The following SERPINB10 variants were observed in gnomAD, a reference collection of about 807,000 sequenced individuals.
SERPINB10 encodes serpin family B member 10, also known as serpin B10.
In SERPINB10, 35 loss-of-function variants were observed where a neutral mutation model predicts 39.1. That is an observed-to-expected ratio of 0.90 (90% confidence interval 0.68 to 1.19). The LOEUF (loss-of-function observed/expected upper bound fraction) is 1.19, where lower values mean the gene tolerates loss of function less well. Ranked by LOEUF, SERPINB10 falls within the 50% of genes most tolerant of loss-of-function variation. SERPINB10 has a pLI of 0.00. For missense variants in SERPINB10, 546 were observed against 460.5 expected, an observed-to-expected ratio of 1.19 and a Z score of -1.70; for synonymous variants, 190 against 158.1, an observed-to-expected ratio of 1.20 and a Z score of -1.52.
rs1328764453 is a variant in SERPINB10, at chr18:63,933,079, T to G, written c.665T>G (p.Met222Arg). 3.1e-6 allele frequency: 5 copies of G among 1,614,056 alleles called. No homozygotes were observed. In the East Asian group the frequency reaches 1.1e-4, roughly 36 times the overall value. The change falls in exon 7 of 8, where the codon ATG becomes AGG. Residue 222 changes from methionine to arginine, a missense_variant. Physicochemically the swap from Met to Arg is moderately conservative, Grantham distance 91. Transcript: ENST00000238508. ...AGCAAACCAGTGCAAATGATGTTTA[T>G]GAAGAAAAAGCTTCACATTTTTCAC... ...TTSKPVQMMFMKKKLHIFHIE... is the reference protein window; with the variant it reads ...TTSKPVQMMFRKKKLHIFHIE...
rs963075 is a variant in SERPINB10, at chr18:63,933,150, C to T, written c.736C>T (p.Arg246Cys). 0.3 allele frequency: 481,950 copies of T among 1,612,928 alleles called. 80,816 individuals carry two copies. Among genetic ancestry groups the T allele is most frequent in the African/African-American group, 0.72 (53,579 of 74,902 alleles). Reference sequence around the variant, plus strand: ...GGGCCTTCAACTCTACTACAAAAGCCGTGACCTCAGCCTGCTTATACTACT... The same window carrying T: ...GGGCCTTCAACTCTACTACAAAAGCTGTGACCTCAGCCTGCTTATACTACT... The part of the protein sequence containing the change: ...AVGLQLYYKS[R>C]DLSLLILLPE... Residue 246 changes from arginine to cysteine, a missense_variant, in exon 7 of 8, where the codon CGT (arginine) becomes TGT (cysteine). Physicochemically the swap from Arg to Cys is radical, Grantham distance 180 (BLOSUM62 -3). Coordinates refer to ENST00000238508, the MANE Select transcript of SERPINB10 (RefSeq NM_005024.3).
In SERPINB10 at chr18:63,919,236, A is replaced by ATTTTTTTTTTT. The variant is rs397969917; in HGVS notation, c.373-548_373-538dup. 3.5e-5 allele frequency among the ~76,000 whole-genome samples: 5 copies of ATTTTTTTTTTT among 142,864 alleles called. 1 individual carries two copies. The highest frequency in any genetic ancestry group is 5.1e-5 in the African/African-American group (2 of 38,896). The allele number at this position is 142,864 out of a possible 152,430, so 93.7% of individuals were successfully genotyped here. ...AGGACCAGGAGGAGGTGAAGGCCTC[A>ATTTTTTTTTTT]TTTTTTTTTTTTTTGCCTCAGAATG... On this transcript the variant is annotated intron_variant, in intron 4 of 7. Transcript: ENST00000238508.
At chr18:63,930,337 A>T in intron 6 of SERPINB10, 150 bp downstream of exon 6, 1 of 820,836 alleles carries the variant, frequency 1.2e-6, no homozygotes, top group Non-Finnish European at 1.9e-6. Context: ...CTTCAGTTCC[A>T]TGGGGAATTC....
chr18:63,933,147 A>T lies in SERPINB10; in HGVS notation c.733A>T (p.Ser245Cys). ...AGTGGGCCTTCAACTCTACTACAAAAGCCGTGACCTCAGCCTGCTTATACT... is the reference window on the plus strand; with the variant it reads ...AGTGGGCCTTCAACTCTACTACAAATGCCGTGACCTCAGCCTGCTTATACT... ...KAVGLQLYYKSRDLSLLILLP... is the reference protein window; with the variant it reads ...KAVGLQLYYKCRDLSLLILLP... Residue 245 changes from serine to cysteine, a missense_variant, in exon 7 of 8, where the codon AGC (serine) becomes TGC (cysteine). Coordinates refer to ENST00000238508, the MANE Select transcript of SERPINB10 (RefSeq NM_005024.3). 6.2e-7 allele frequency: 1 copy of T among 1,614,096 alleles called. No homozygotes were observed. The highest frequency in any genetic ancestry group is 8.5e-7 in the Non-Finnish European group (1 of 1,179,954).
chr18:63,915,788 A>T, intron 2 of SERPINB10, 110 bp downstream of exon 2: 1 of 959,794 alleles, frequency 1.0e-6, no homozygotes, highest in Admixed American at 3.0e-5. Context: ...TCACAATAAC[A>T]TTCTCTAAAA....
chr18:63,925,539 A>G (rs1170591480), intron 5 of SERPINB10, among the ~76,000 whole-genome samples: 1 of 152,008 alleles, frequency 6.6e-6, no homozygotes, highest in Non-Finnish European at 1.5e-5. Context: ...GAGGCTTCCA[A>G]TGGCAAAATC....
chr18:63,919,327 G>A (rs1599080977), intron 4 of SERPINB10, among the ~76,000 whole-genome samples: 1 of 150,664 alleles, frequency 6.6e-6, no homozygotes, highest in East Asian at 2.0e-4. Flanking sequence ...TTCTTCAAGG[G>A]TCCTCCACAA....
intron 1 of SERPINB10, among the ~76,000 whole-genome samples, chr18:63,914,698 A>G (rs745654685): frequency 2.0e-5 from 3 of 151,976 alleles, no homozygotes; most frequent in Non-Finnish European, 4.4e-5. Context: ...CAGTGGTCCA[A>G]GCTGTGAGTG....
chr18:63,921,337 C>T (rs1480994487), intron 5 of SERPINB10, among the ~76,000 whole-genome samples: 1 of 151,844 alleles, frequency 6.6e-6, no homozygotes, highest in Non-Finnish European at 1.5e-5. Context: ...TCAAATTCAC[C>T]ATACCTGAAA....
chr18:63,916,063 AAAAGAAAAATAAAAG>A (rs2050100030), intron 2 of SERPINB10, among the ~76,000 whole-genome samples: 1 of 152,020 alleles, frequency 6.6e-6, no homozygotes, highest in African/African-American at 2.4e-5. Flanking sequence ...GAAGACACAA[AAAAGAAAAATAAAAG>A]AATTCTGTTT....
At chr18:63,910,184 G>A (rs548638548) in intron 1 of SERPINB10, among the ~76,000 whole-genome samples, 2 of 152,084 alleles carry the variant, frequency 1.3e-5, no homozygotes, top group East Asian at 1.9e-4. Flanking sequence ...GTTTTCCAAA[G>A]CTCTCATTCT....
At chr18:63,930,275 T>C in intron 6 of SERPINB10, 88 bp downstream of exon 6, 1 of 1,424,750 alleles carries the variant, frequency 7.0e-7, no homozygotes, top group Non-Finnish European at 9.7e-7. Flanking sequence ...TTAGATTGTA[T>C]GTTCTAGTGA....
At chr18:63,922,470 T>G (rs574681731) in intron 5 of SERPINB10, among the ~76,000 whole-genome samples, 28 of 152,046 alleles carry the variant, frequency 1.8e-4, no homozygotes, top group Admixed American at 4.6e-4. Flanking sequence ...GTGCTGGAGT[T>G]GGGCAAAATG....
At chr18:63,930,268 G>C (rs2050212944) in intron 6 of SERPINB10, 81 bp downstream of exon 6, 1 of 1,474,336 alleles carries the variant, frequency 6.8e-7, no homozygotes, top group Non-Finnish European at 9.3e-7. Flanking sequence ...TCTTCTTTTA[G>C]ATTGTATGTT....
At chr18:63,920,416 G>A (rs1348709175) in intron 5 of SERPINB10, among the ~76,000 whole-genome samples, 1 of 151,960 alleles carries the variant, frequency 6.6e-6, no homozygotes, top group Non-Finnish European at 1.5e-5. Context: ...ATAGTTCAAA[G>A]GTAGTTAGGC....
chr18:63,923,530 C>T (rs2050160487), intron 5 of SERPINB10, among the ~76,000 whole-genome samples: 1 of 151,932 alleles, frequency 6.6e-6, no homozygotes, highest in African/African-American at 2.4e-5. Flanking sequence ...CACCCTGAAC[C>T]TTCCCCAGAA....
Sources: gnomAD v4.1 joint callset for allele counts (sites outside exome capture counted in the v4.1 genomes callset) on GRCh38, gnomAD v4.1.1 for gene constraint, MANE v1.5 for transcripts, NCBI Gene and HGNC (gene_info 2026-07-23, HGNC 2026-07-21) for gene names.